The following HNRNPC variants were observed in gnomAD, a reference collection of about 807,000 sequenced individuals.
HNRNPC encodes the protein heterogeneous nuclear ribonucleoproteins C1/C2.
In HNRNPC, 3 loss-of-function variants were observed where a neutral mutation model predicts 33.2. The ratio of observed to expected loss-of-function variants is 0.09; its 90% CI spans 0.04 to 0.23. The LOEUF (loss-of-function observed/expected upper bound fraction) is 0.23. Ranked by LOEUF, HNRNPC falls within the 10% of genes least tolerant of loss-of-function variation. The pLI is 1.00. For synonymous variants in HNRNPC, 121 were observed against 126.7 expected (o/e 0.96, Z 0.30); for missense variants, 143 against 366.7 (o/e 0.39, Z 4.98).
At chr14:21,266,747 A>G (rs889019022) in intron 1 of HNRNPC, among the ~76,000 whole-genome samples, 3 of 151,504 alleles carry the variant, frequency 2.0e-5, no homozygotes, top group Non-Finnish European at 4.4e-5. Context: ...CTAATAAAGT[A>G]CTTGAAGACT....
intron 2 of HNRNPC, among the ~76,000 whole-genome samples, chr14:21,255,565 A>T (rs1243646614): frequency 6.6e-6 from 1 of 152,214 alleles, no homozygotes; most frequent in Non-Finnish European, 1.5e-5. Context: ...CTAAACCCCT[A>T]TTACACAGAC....
intron 2 of HNRNPC, among the ~76,000 whole-genome samples, chr14:21,247,832 A>T (rs1365773794): frequency 6.6e-6 from 1 of 151,632 alleles, no homozygotes; most frequent in East Asian, 1.9e-4. Context: ...AAAAAAAAAA[A>T]AAAAATTAGC....
At chr14:21,221,234 C>T (rs768689752) in intron 5 of HNRNPC, among the ~76,000 whole-genome samples, 2 of 152,220 alleles carry the variant, frequency 1.3e-5, no homozygotes, top group Non-Finnish European at 2.9e-5. Context: ...TTTCAACATT[C>T]GCTCTACAAC....
chr14:21,223,074 T>C lies in HNRNPC; in HGVS notation c.365+7245A>G, dbSNP rs1233280143. Among the ~76,000 whole-genome samples, 3 of 151,054 alleles carry C rather than the reference T, an allele frequency of 2.0e-5. No individual in the cohort carries two copies. In the East Asian group the frequency reaches 5.8e-4, roughly 29 times the overall value. ...ACAAAAAAAGAGCCCGGCGTGGTGA[T>C]GCATGCCTGTAATCCCAGCTACTCC... On this transcript the variant is annotated intron_variant, in intron 5 of 8. Coordinates refer to ENST00000553300, the MANE Select transcript of HNRNPC (RefSeq NM_004500.4).
chr14:21,246,014 G>A (rs1249156647), intron 2 of HNRNPC, among the ~76,000 whole-genome samples: 1 of 151,820 alleles, frequency 6.6e-6, no homozygotes, highest in East Asian at 1.9e-4. Context: ...CCTGACTACG[G>A]GGTTTGACCA....
At chr14:21,222,372 G>T (rs748101151) in intron 5 of HNRNPC, among the ~76,000 whole-genome samples, 2 of 152,052 alleles carry the variant, frequency 1.3e-5, no homozygotes, top group Non-Finnish European at 2.9e-5. Context: ...CTCCATGGCA[G>T]AATTTGTTTT....
chr14:21,266,786 T>C (rs961937121), intron 1 of HNRNPC, among the ~76,000 whole-genome samples: 1 of 151,492 alleles, frequency 6.6e-6, no homozygotes, highest in Non-Finnish European at 1.5e-5. Flanking sequence ...ATAGTAATAA[T>C]AACTACCAAT....
At position 21,211,811 on chromosome 14, in the gene HNRNPC, T is replaced by C. The variant is rs201491227; in HGVS notation, c.636A>G (p.Ala212=). Residue 212 remains alanine, a splice_region_variant and synonymous_variant, in exon 7 of 9, where the codon GCA becomes GCG. Transcript: ENST00000553300. ...AGGGCAAGCAGAAAACCCATTTACC[T>C]GCTTGTTTGCTCTGTTCCTTTTCAA... ...EKIEKEQSKQ[A]VEMKNDKSEE... is the part of the protein sequence containing the mutation. 1 of 1,611,330 alleles carries C rather than the reference T, an allele frequency of 6.2e-7. No individual in the cohort carries two copies. Among genetic ancestry groups the C allele is most frequent in the Non-Finnish European group, 8.5e-7 (1 of 1,178,970 alleles).
At chr14:21,230,513 A>G in intron 4 of HNRNPC, 147 bp from the exon 5 acceptor site, 2 of 632,098 alleles carry the variant, frequency 3.2e-6, no homozygotes, top group South Asian at 1.9e-5. Context: ...CATACAATAA[A>G]TCACTCAATT....
At chr14:21,214,975 T>C (rs1317529114) in intron 5 of HNRNPC, among the ~76,000 whole-genome samples, 4 of 152,216 alleles carry the variant, frequency 2.6e-5, no homozygotes, top group Non-Finnish European at 5.9e-5. Flanking sequence ...GGCACCCGTA[T>C]CTAAACCAAT....
At position 21,225,010 on chromosome 14, in the gene HNRNPC, CA is replaced by C. The variant is rs899232053; in HGVS notation, c.365+5308del. 4.7e-4 allele frequency among the ~76,000 whole-genome samples: 71 copies of C among 152,218 alleles called. 2 individuals are homozygous for C. The highest frequency in any genetic ancestry group is 1.7e-3 in the African/African-American group (70 of 41,510). On this transcript the variant is annotated intron_variant, in intron 5 of 8. Coordinates refer to ENST00000553300, the MANE Select transcript of HNRNPC (RefSeq NM_004500.4). The stretch of plus-strand genomic sequence containing the variant: ...CCTCAGAAAGACCATTGAACTAAAC[CA>C]GTCTTTTTGAACCAGGTTTCTTGCT...
At chr14:21,240,688 T>A (rs1288645669) in intron 2 of HNRNPC, among the ~76,000 whole-genome samples, 1 of 152,192 alleles carries the variant, frequency 6.6e-6, no homozygotes, top group Non-Finnish European at 1.5e-5. Context: ...TCAACCCAAC[T>A]GTTTTCAGTA....
chr14:21,258,188 C>G (rs1877553981), intron 2 of HNRNPC, among the ~76,000 whole-genome samples: 1 of 152,116 alleles, frequency 6.6e-6, no homozygotes. Context: ...GTCAGGATTT[C>G]TAGACCAGCC....
chr14:21,249,902 G>A (rs902951001), intron 2 of HNRNPC, among the ~76,000 whole-genome samples: 2 of 152,074 alleles, frequency 1.3e-5, no homozygotes, highest in African/African-American at 2.4e-5. Context: ...CTTTACCTAG[G>A]TTAAGATTTA....
chr14:21,227,880 G>T (rs962816369), intron 5 of HNRNPC, among the ~76,000 whole-genome samples: 1 of 152,200 alleles, frequency 6.6e-6, no homozygotes, highest in African/African-American at 2.4e-5. Flanking sequence ...CAACAAAAGT[G>T]TGAGTTTATT....
At chr14:21,266,341 C>A (rs769982354) in intron 1 of HNRNPC, among the ~76,000 whole-genome samples, 3 of 152,020 alleles carry the variant, frequency 2.0e-5, no homozygotes, top group Non-Finnish European at 2.9e-5. Flanking sequence ...CCTCGTGATC[C>A]ACCCGCCTCA....
chr14:21,254,022 C>A (rs969026658), intron 2 of HNRNPC, among the ~76,000 whole-genome samples: 2 of 146,030 alleles, frequency 1.4e-5, no homozygotes, highest in Admixed American at 1.4e-4. Context: ...GAGACCATGC[C>A]ACTGCACTCC....
chr14:21,212,009 A>G (rs1891658045), intron 6 of HNRNPC, 86 bp from the exon 7 acceptor site: 9 of 1,000,698 alleles, frequency 9.0e-6, no homozygotes, highest in Middle Eastern at 2.1e-4. Context: ...CTACATCAGG[A>G]GCTCACAGGA....
At chr14:21,247,125 A>G (rs941696169) in intron 2 of HNRNPC, among the ~76,000 whole-genome samples, 2 of 152,198 alleles carry the variant, frequency 1.3e-5, no homozygotes, top group East Asian at 3.9e-4. Flanking sequence ...GTTAAGGGTC[A>G]ACTGTAAATA....
Sources: gnomAD v4.1 joint callset for allele counts (sites outside exome capture counted in the v4.1 genomes callset) on GRCh38, gnomAD v4.1.1 for gene constraint, MANE v1.5 for transcripts, NCBI Gene and HGNC (gene_info 2026-07-23, HGNC 2026-07-21) for gene names.